The following ANKRD30BL variants were observed in gnomAD, a reference collection of about 807,000 sequenced individuals.
ANKRD30BL encodes the protein ankyrin repeat domain 30B like, also known as putative ankyrin repeat domain-containing protein 30B-like.
In ANKRD30BL, 20 loss-of-function variants were observed where a neutral mutation model predicts 18.4. That is an observed-to-expected ratio of 1.09 (90% CI 0.77 to 1.58). The LOEUF is 1.58. Among genes scored for constraint, ANKRD30BL ranks in the 40% most tolerant of loss-of-function variants. The pLI, the probability that ANKRD30BL is intolerant of heterozygous loss-of-function variation, is 0.00. For synonymous variants in ANKRD30BL, 72 were observed against 100.9 expected, an observed-to-expected ratio of 0.71 and a Z score of 1.72; for missense variants, 224 against 268.6, an observed-to-expected ratio of 0.83 and a Z score of 1.16.
At chr2:132,183,383 C>T (rs1483782998) in intron 1 of ANKRD30BL, among the ~76,000 whole-genome samples, 1 of 152,196 alleles carries the variant, frequency 6.6e-6, no homozygotes. Flanking sequence ...CCCGCTTTGG[C>T]CTCCCAAAGT....
intron 1 of ANKRD30BL, among the ~76,000 whole-genome samples, chr2:132,219,678 C>A (rs1461366626): frequency 3.3e-5 from 5 of 152,098 alleles, no homozygotes; most frequent in Non-Finnish European, 5.9e-5. Flanking sequence ...TAGGCAGAAG[C>A]ATTCTCAGAG....
intron 1 of ANKRD30BL, among the ~76,000 whole-genome samples, chr2:132,187,934 A>AT (rs1380327490): frequency 2.6e-5 from 4 of 151,732 alleles, no homozygotes; most frequent in South Asian, 2.1e-4. Context: ...AATTTCTGTA[A>AT]TTTTTTTAGT....
chr2:132,159,644 A>C (rs916431427), intron 1 of ANKRD30BL, among the ~76,000 whole-genome samples: 1 of 152,172 alleles, frequency 6.6e-6, no homozygotes, highest in African/African-American at 2.4e-5. Context: ...TTATCTATAA[A>C]ATGACGATTT....
upstream of ANKRD30BL, among the ~76,000 whole-genome samples, chr2:132,164,159 C>T (rs12479444): frequency 0.19 from 28,494 of 152,028 alleles, 2,780 homozygotes; most frequent in South Asian, 0.26. Context: ...ATATCAGAAT[C>T]GCTATCCCAT....
intron 1 of ANKRD30BL, among the ~76,000 whole-genome samples, chr2:132,231,681 G>C (rs1254338787): frequency 6.6e-6 from 1 of 152,196 alleles, no homozygotes; most frequent in Non-Finnish European, 1.5e-5. Context: ...CTGGCTCGGA[G>C]GGTCCTACAC....
intron 4 of ANKRD30BL, chr2:132,152,073 C>G (rs1406208829): frequency 1.3e-5 from 2 of 152,136 alleles, no homozygotes; most frequent in Admixed American, 1.3e-4. Flanking sequence ...CAAAATATTG[C>G]ACACAAGATC....
chr2:132,154,093 G>A (rs1422646442), intron 4 of ANKRD30BL, among the ~76,000 whole-genome samples: 6 of 152,088 alleles, frequency 3.9e-5, no homozygotes, highest in African/African-American at 1.2e-4. Flanking sequence ...ATTGTCCTGA[G>A]TACCTGGGAC....
Position 132,161,610 on chromosome 2 carries a change from G to C in ANKRD30BL, c.96C>G (p.Tyr32Ter), listed in dbSNP as rs776058372. Residue 32 changes from tyrosine (Y) to a stop codon, truncating the protein, a stop_gained, in exon 1 of 6, where the codon TAC becomes TAG. Transcript: ENST00000409867. LOFTEE classifies it high-confidence loss of function. ...SQLVYTNNDS[Y>*]VIHHGDLRKI... ...TCCTGAGATCCCCATGGTGAATCAC[G>C]TAAGAGTCGTTGTTGGTGTAGACCA... The C allele has an allele frequency of 6.9e-7, 1 of 1,452,774 alleles. No individual in the cohort carries two copies. Among genetic ancestry groups the C allele is most frequent in the South Asian group, 1.2e-5 (1 of 81,960 alleles). 90.0% of individuals were successfully genotyped at this position (1,452,774 alleles called of 1,614,324 possible).
Position 132,216,904 on chromosome 2 carries a change from G to C in ANKRD30BL, n.441+40625C>G, listed in dbSNP as rs77613606. On this transcript the variant is annotated intron_variant and non_coding_transcript_variant, in intron 1 of 4. Coordinates refer to the ANKRD30BL transcript ENST00000470729. ...ATATTTGGACTGCTTCGAGGCATTC[G>C]TTGGAAATGGGATATCTTCACATAA... is the stretch of plus-strand genomic sequence containing the variant. Among the ~76,000 whole-genome samples, 3 of 144,356 alleles carry C rather than the reference G, an allele frequency of 2.1e-5. No homozygotes were observed. In the South Asian group the frequency reaches 6.8e-4, roughly 33 times the overall value. 94.7% of individuals were successfully genotyped at this position (144,356 alleles called of 152,430 possible).
intron 1 of ANKRD30BL, among the ~76,000 whole-genome samples, chr2:132,201,418 G>A (rs1347272112): frequency 6.6e-6 from 1 of 152,056 alleles, no homozygotes; most frequent in Admixed American, 6.6e-5. Flanking sequence ...CTAATATCCA[G>A]AATCTACAAT....
At position 132,177,926 on chromosome 2, in the gene ANKRD30BL, T is replaced by C. The variant is rs550410801; in HGVS notation, n.442-20780A>G. ...TGGTTTTTTTGTTTGTTTTTTACAG[T>C]TGGTATGCCATTTTTAATGTTACCT... is the stretch of plus-strand genomic sequence containing the variant. On this transcript the variant is annotated intron_variant and non_coding_transcript_variant, in intron 1 of 4. Transcript: ENST00000470729. Among the ~76,000 whole-genome samples, 8 of 152,358 alleles carry C rather than the reference T, an allele frequency of 5.3e-5. No homozygotes were observed. The South Asian group carries it at 1.0e-3, about 20-fold the overall frequency.
chr2:132,250,070 A>G (rs1054341904), intron 1 of ANKRD30BL, among the ~76,000 whole-genome samples: 1 of 152,022 alleles, frequency 6.6e-6, no homozygotes, highest in South Asian at 2.1e-4. Context: ...AAGCTTTTCA[A>G]TCAAAAGAAT....
At chr2:132,185,759 C>G (rs545188028) in intron 1 of ANKRD30BL, among the ~76,000 whole-genome samples, 105 of 152,088 alleles carry the variant, frequency 6.9e-4, no homozygotes, top group African/African-American at 2.4e-3. Context: ...CAGTAGTATT[C>G]TATATATAAA....
chr2:132,165,236 T>C (rs566196569), upstream of ANKRD30BL, among the ~76,000 whole-genome samples: 20 of 148,604 alleles, frequency 1.3e-4, no homozygotes, highest in South Asian at 2.6e-3. Context: ...GGAAGTAATA[T>C]TCCCTTATAT....
chr2:132,227,040 T>C (rs138413956), intron 1 of ANKRD30BL, among the ~76,000 whole-genome samples: 1 of 151,532 alleles, frequency 6.6e-6, no homozygotes, highest in Non-Finnish European at 1.5e-5. Flanking sequence ...AATATCTTCA[T>C]ATAAAAACTA....
intron 1 of ANKRD30BL, among the ~76,000 whole-genome samples, chr2:132,252,766 G>A (rs1043631326): frequency 1.3e-5 from 2 of 151,566 alleles, no homozygotes; most frequent in Non-Finnish European, 2.9e-5. Flanking sequence ...AGACGACGAC[G>A]GCATGGGACC....
At chr2:132,198,512 A>G (rs575208347) in intron 1 of ANKRD30BL, among the ~76,000 whole-genome samples, 55 of 150,202 alleles carry the variant, frequency 3.7e-4, no homozygotes, top group Non-Finnish European at 6.9e-4. Context: ...TTCAGTAGAG[A>G]CGGGGTTTCA....
intron 1 of ANKRD30BL, among the ~76,000 whole-genome samples, chr2:132,213,784 G>A (rs200998566): frequency 0.017 from 2,201 of 132,524 alleles, no homozygotes; most frequent in African/African-American, 0.064. Context: ...CATTTGGAGG[G>A]CTTTGAAGCC....
At chr2:132,167,614 C>A (rs1431224996) in intron 1 of ANKRD30BL, among the ~76,000 whole-genome samples, 6 of 151,752 alleles carry the variant, frequency 4.0e-5, no homozygotes, top group Non-Finnish European at 5.9e-5. Flanking sequence ...TGGCCTGCCT[C>A]CTCTTATTTT....
Sources: gnomAD v4.1 joint callset for allele counts (sites outside exome capture counted in the v4.1 genomes callset) on GRCh38, gnomAD v4.1.1 for gene constraint, MANE v1.5 for transcripts, NCBI Gene and HGNC (gene_info 2026-07-23, HGNC 2026-07-21) for gene names.